CSMD1: variants seen among roughly 807,000 people sequenced by gnomAD.
The protein encoded by CSMD1 is CUB and Sushi multiple domains 1, also known as CUB and sushi domain-containing protein 1.
Under a neutral mutation model 417.5 loss-of-function variants are expected in CSMD1, and 213 were observed. The ratio of observed to expected loss-of-function variants is 0.51; its 90% CI spans 0.46 to 0.57. The LOEUF (loss-of-function observed/expected upper bound fraction) is 0.57, where lower values mean the gene tolerates loss of function less well. Ranked by LOEUF, CSMD1 falls within the 20% of genes least tolerant of loss-of-function variation. The probability of loss-of-function intolerance (pLI) is 0.00; values close to 1 mark genes in which losing one functional copy is unlikely to be tolerated. For missense variants in CSMD1, 6,923 were observed against 4,529.7 expected (o/e 1.53, Z -15.17); for synonymous variants, 2,862 against 1,736.8 (o/e 1.65, Z -16.11).
At chr8:3,385,606 G>C (rs146477306) in intron 18 of CSMD1, among the ~76,000 whole-genome samples, 1 of 152,034 alleles carries the variant, frequency 6.6e-6, no homozygotes, top group Non-Finnish European at 1.5e-5. Context: ...AATTTTATAA[G>C]AGTTTACTAT....
chr8:4,839,200 T>A (rs1179351344), intron 1 of CSMD1, among the ~76,000 whole-genome samples: 1 of 152,192 alleles, frequency 6.6e-6, no homozygotes, highest in Non-Finnish European at 1.5e-5. Flanking sequence ...AGCTCTGTCA[T>A]GAGTCACTCT....
At chr8:4,395,789 C>T (rs561818144) in intron 3 of CSMD1, among the ~76,000 whole-genome samples, 1 of 152,138 alleles carries the variant, frequency 6.6e-6, no homozygotes, top group Non-Finnish European at 1.5e-5. Context: ...GAAGAGAATA[C>T]AATTCAATTA....
intron 10 of CSMD1, among the ~76,000 whole-genome samples, chr8:3,536,389 A>G (rs1412815057): frequency 6.6e-6 from 1 of 152,222 alleles, no homozygotes; most frequent in Non-Finnish European, 1.5e-5. Flanking sequence ...CATTGATTCT[A>G]CTACGTGCAA....
chr8:3,262,591 C>T (rs963026767), intron 26 of CSMD1, among the ~76,000 whole-genome samples: 2 of 151,030 alleles, frequency 1.3e-5, no homozygotes, highest in African/African-American at 2.4e-5. Context: ...CTGTTAAAAC[C>T]TCTGAAAATG....
At chr8:4,375,346 C>G (rs1802664913) in intron 3 of CSMD1, among the ~76,000 whole-genome samples, 1 of 152,044 alleles carries the variant, frequency 6.6e-6, no homozygotes, top group Non-Finnish European at 1.5e-5. Context: ...GGTGATCATC[C>G]TATTCACCAT....
At chr8:4,205,559 C>T (rs937213566) in intron 3 of CSMD1, among the ~76,000 whole-genome samples, 2 of 152,184 alleles carry the variant, frequency 1.3e-5, no homozygotes, top group Non-Finnish European at 2.9e-5. Flanking sequence ...TGACGGAACT[C>T]ACTGAAGTGA....
At chr8:4,168,479 A>T (rs557870414) in intron 3 of CSMD1, among the ~76,000 whole-genome samples, 2 of 152,042 alleles carry the variant, frequency 1.3e-5, no homozygotes, top group Non-Finnish European at 1.5e-5. Context: ...GGATGTGGTA[A>T]AAGTAGAAAA....
chr8:3,472,884 G>A (rs535317020), intron 11 of CSMD1, among the ~76,000 whole-genome samples: 9 of 151,788 alleles, frequency 5.9e-5, no homozygotes, highest in East Asian at 1.9e-4. Flanking sequence ...AGAAGTAACT[G>A]TTGGGGGAGT....
In CSMD1 at chr8:4,064,883, G is replaced by A. The variant is rs181591909; in HGVS notation, c.416-32784C>T. ...GTTTGTAATGTGTGTATCTACATGG[G>A]TTTCCTCACAAAGTGGTCAATTCCA... On this transcript the variant is annotated intron_variant, in intron 3 of 69. Coordinates refer to ENST00000635120, the MANE Select transcript of CSMD1 (RefSeq NM_033225.6). 2.6e-5 allele frequency among the ~76,000 whole-genome samples: 4 copies of A among 151,836 alleles called. No homozygotes were observed. The East Asian group carries it at 5.8e-4, about 22-fold the overall frequency.
At chr8:3,472,933 T>C (rs762914934) in intron 11 of CSMD1, among the ~76,000 whole-genome samples, 7 of 152,120 alleles carry the variant, frequency 4.6e-5, no homozygotes, top group Non-Finnish European at 1.0e-4. Context: ...TTCACACCAC[T>C]GTTTTCTCCC....
At chr8:4,797,058 A>G (rs1798018901) in intron 1 of CSMD1, among the ~76,000 whole-genome samples, 1 of 152,192 alleles carries the variant, frequency 6.6e-6, no homozygotes, top group African/African-American at 2.4e-5. Flanking sequence ...GAGAAGCAAC[A>G]GATTCTGTCC....
intron 3 of CSMD1, among the ~76,000 whole-genome samples, chr8:4,097,250 T>G (rs1015298576): frequency 2.6e-5 from 4 of 152,122 alleles, no homozygotes; most frequent in Non-Finnish European, 5.9e-5. Flanking sequence ...TACAAAGAAC[T>G]GGAAATCAGA....
chr8:4,890,185 A>T (rs2116996407), intron 1 of CSMD1, among the ~76,000 whole-genome samples: 1 of 152,266 alleles, frequency 6.6e-6, no homozygotes, highest in Admixed American at 6.5e-5. Flanking sequence ...TAGTCATTTT[A>T]GTCAATATCT....
rs550273054 is a variant in CSMD1, at chr8:3,546,296, G to A, written c.1344+28649C>T. Among the ~76,000 whole-genome samples the A allele has an allele frequency of 2.6e-5, 4 of 152,142 alleles. No homozygotes were observed. The South Asian group carries it at 8.3e-4, about 32-fold the overall frequency. On this transcript the variant is annotated intron_variant, in intron 10 of 69. Transcript: ENST00000635120. Reference sequence around the variant, plus strand: ...TAAAAAAAAAATCCCAGTACTTTGGGAGGCCAAGGTGGGGGGATCATGAGG... The same window carrying A: ...TAAAAAAAAAATCCCAGTACTTTGGAAGGCCAAGGTGGGGGGATCATGAGG...
chr8:4,140,190 A>C (rs1803698967), intron 3 of CSMD1, among the ~76,000 whole-genome samples: 1 of 136,660 alleles, frequency 7.3e-6, no homozygotes, highest in South Asian at 2.3e-4. Context: ...CCGTATCTAA[A>C]ACCACAAAAC....
intron 2 of CSMD1, among the ~76,000 whole-genome samples, chr8:4,452,693 T>C (rs541149683): frequency 2.6e-5 from 4 of 152,294 alleles, no homozygotes; most frequent in South Asian, 4.1e-4. Flanking sequence ...GTCTAAATCC[T>C]GATACTCTCA....
At chr8:3,756,959 G>C (rs988759924) in intron 5 of CSMD1, among the ~76,000 whole-genome samples, 4 of 152,092 alleles carry the variant, frequency 2.6e-5, no homozygotes, top group Non-Finnish European at 5.9e-5. Context: ...TATCTGGATA[G>C]TTTTGTAATC....
At chr8:4,004,720 G>A (rs750703736) in intron 4 of CSMD1, among the ~76,000 whole-genome samples, 5 of 151,844 alleles carry the variant, frequency 3.3e-5, no homozygotes, top group Admixed American at 6.6e-5. Context: ...GATGAGATTG[G>A]TGACTATTAT....
intron 3 of CSMD1, among the ~76,000 whole-genome samples, chr8:4,212,513 T>G (rs1031224598): frequency 1.3e-5 from 2 of 152,072 alleles, no homozygotes; most frequent in Non-Finnish European, 2.9e-5. Context: ...TTATTTAGAT[T>G]AGACATTATA....
Sources: gnomAD v4.1 joint callset for allele counts (sites outside exome capture counted in the v4.1 genomes callset) on GRCh38, gnomAD v4.1.1 for gene constraint, MANE v1.5 for transcripts, NCBI Gene and HGNC (gene_info 2026-07-23, HGNC 2026-07-21) for gene names.